DENND2B: variants seen among roughly 807,000 people sequenced by gnomAD.
The protein encoded by DENND2B is DENN domain containing 2B.
In DENND2B, 32 loss-of-function variants were observed where a neutral mutation model predicts 116.0. That is an observed-to-expected ratio of 0.28 (90% CI 0.21 to 0.37). The LOEUF is 0.37. Ranked by LOEUF, DENND2B falls within the 10% of genes least tolerant of loss-of-function variation. The pLI, the probability that DENND2B is intolerant of heterozygous loss-of-function variation, is 1.00. For synonymous variants in DENND2B, 588 were observed against 583.9 expected (o/e 1.01, Z -0.10); for missense variants, 1,276 against 1,477.7 (o/e 0.86, Z 2.24).
At chr11:8,848,885 G>A (rs1443229118) in intron 3 of DENND2B, among the ~76,000 whole-genome samples, 2 of 151,196 alleles carry the variant, frequency 1.3e-5, no homozygotes, top group Admixed American at 1.3e-4. Flanking sequence ...AAATAAAATG[G>A]CCTCAAGAAA....
intron 4 of DENND2B, among the ~76,000 whole-genome samples, chr11:8,838,446 C>T (rs1439758562): frequency 1.3e-5 from 2 of 152,236 alleles, no homozygotes; most frequent in Non-Finnish European, 2.9e-5. Flanking sequence ...ATAGGAGAAA[C>T]ATCTGCCCTA....
intron 2 of DENND2B, among the ~76,000 whole-genome samples, chr11:8,857,669 C>T (rs1238149865): frequency 6.6e-6 from 1 of 152,188 alleles, no homozygotes; most frequent in Non-Finnish European, 1.5e-5. Flanking sequence ...CCTGGTTACT[C>T]CCCAACCCCC....
intron 14 of DENND2B, among the ~76,000 whole-genome samples, chr11:8,701,674 G>C (rs2133719380): frequency 6.6e-6 from 1 of 152,048 alleles, no homozygotes; most frequent in Non-Finnish European, 1.5e-5. Flanking sequence ...CTTGTGCCTT[G>C]CCTGTGTCAC....
chr11:8,726,391 GC>G, intron 3 of DENND2B, 182 bp from the exon 4 acceptor site: 1 of 690,128 alleles, frequency 1.4e-6, no homozygotes, highest in Middle Eastern at 4.2e-4. Flanking sequence ...AAAGGCCCCA[GC>G]CTGGGTGCCT....
At chr11:8,830,813 T>C (rs552278035) in intron 4 of DENND2B, 1 of 152,366 alleles carries the variant, frequency 6.6e-6, no homozygotes, top group Admixed American at 6.5e-5. Context: ...CAGACAGCTC[T>C]ATTTAGCTCC....
chr11:8,695,621 G>A, intron 18 of DENND2B, 72 bp from the exon 19 acceptor site: 1 of 1,318,192 alleles, frequency 7.6e-7, no homozygotes, highest in South Asian at 1.2e-5. Context: ...TACATGAAGG[G>A]AACCATGGAG....
intron 2 of DENND2B, among the ~76,000 whole-genome samples, chr11:8,743,822 C>T (rs1195563905): frequency 6.6e-6 from 1 of 151,690 alleles, no homozygotes; most frequent in Non-Finnish European, 1.5e-5. Context: ...TCATGGCTCA[C>T]TGCAGCCTTG....
chr11:8,747,895 A>G (rs1431611286), intron 2 of DENND2B, among the ~76,000 whole-genome samples: 1 of 152,248 alleles, frequency 6.6e-6, no homozygotes, highest in Non-Finnish European at 1.5e-5. Context: ...ACTGGAATCC[A>G]GGGTCTTTAA....
chr11:8,903,752 G>A (rs939256978), intron 1 of DENND2B, among the ~76,000 whole-genome samples: 1 of 151,868 alleles, frequency 6.6e-6, no homozygotes, highest in African/African-American at 2.4e-5. Context: ...TGGGCCTAGT[G>A]GTGATGCATG....
chr11:8,712,434 T>C lies in DENND2B; in HGVS notation c.2172+117A>G, dbSNP rs931397088. ...CTGAGAGGAGGCAGGTTCAGGGCTG[T>C]GGCAGCTCGGTGAGGACGTATGACG... On this transcript the variant is annotated intron_variant, in intron 9 of 19. Coordinates refer to ENST00000313726, the MANE Select transcript of DENND2B (RefSeq NM_213618.2). This position sits in a 1 kb window ranked among gnomAD's most constrained non-coding sequence, Gnocchi z 4.4. 8.2e-7 allele frequency: 1 copy of C among 1,215,634 alleles called. No homozygotes were observed. The highest frequency in any genetic ancestry group is 1.1e-6 in the Non-Finnish European group (1 of 886,048). 75.3% of individuals were successfully genotyped at this position (1,215,634 alleles called of 1,614,324 possible).
rs375368483 is a variant in DENND2B, at chr11:8,730,929, C to A, written c.361G>T (p.Ala121Ser). 3.1e-6 allele frequency: 5 copies of A among 1,614,086 alleles called. No individual in the cohort carries two copies. The East Asian group carries it at 8.9e-5, about 29-fold the overall frequency. ...RDAQKESVQG[A>S]AQDVAGVAAC... is the part of the protein sequence containing the mutation. ...GCGACCCCTGCTACATCCTGGGCTG[C>A]GCCTTGGACACTTTCCTTTTGGGCG... Residue 121 changes from alanine (A) to serine (S), a missense_variant, in exon 3 of 20, where the codon GCA (alanine) becomes TCA (serine). Physicochemically the swap from Ala to Ser is moderately conservative, Grantham distance 99 (BLOSUM62 1). Transcript: ENST00000313726. The surrounding 1 kb of genome is among the most constrained non-coding windows in gnomAD (Gnocchi z 4.1).
At position 8,710,881 on chromosome 11, in the gene DENND2B, A is replaced by G. The variant is rs1275393110; in HGVS notation, c.2316T>C (p.Asp772=). The G allele has an allele frequency of 5.0e-6, 8 of 1,613,904 alleles. No individual in the cohort carries two copies. The highest frequency in any genetic ancestry group is 1.6e-4 in the Middle Eastern group (1 of 6,084). The change falls in exon 11 of 20, where the codon GAT becomes GAC. Residue 772 remains aspartate, a synonymous_variant. Coordinates refer to ENST00000313726, the MANE Select transcript of DENND2B (RefSeq NM_213618.2). ...TGCAGTAGCCAAAGCGTCTGCTGCC[A>G]TCTTCCCCAGTCAGCATGAAAGAAA... ...ETFSFMLTGE[D]GSRRFGYCRR... is the part of the protein sequence containing the mutation.
At chr11:8,882,538 G>A (rs1018010493) in intron 1 of DENND2B, among the ~76,000 whole-genome samples, 5 of 152,158 alleles carry the variant, frequency 3.3e-5, no homozygotes, top group Non-Finnish European at 5.9e-5. Context: ...TCAATAAATA[G>A]CTGTTGAATT....
At position 8,748,288 on chromosome 11, in the gene DENND2B, A is replaced by C. The variant is rs899834302; in HGVS notation, c.80+2333T>G. On this transcript the variant is annotated intron_variant, in intron 2 of 19. Transcript: ENST00000313726. ...ACCTATTGAAAGGTCAAACTAAGAAACTCAGGTGCCAAGATCATCAATCCA... is the reference window on the plus strand; with the variant it reads ...ACCTATTGAAAGGTCAAACTAAGAACCTCAGGTGCCAAGATCATCAATCCA... 2.6e-5 allele frequency among the ~76,000 whole-genome samples: 4 copies of C among 152,116 alleles called. No individual in the cohort carries two copies. The South Asian group carries it at 8.3e-4, about 31-fold the overall frequency.
intron 2 of DENND2B, among the ~76,000 whole-genome samples, chr11:8,739,560 ATC>A (rs1378090753): frequency 6.6e-6 from 1 of 152,270 alleles, no homozygotes; most frequent in African/African-American, 2.4e-5. Context: ...TGCTCTTATC[ATC>A]TCTCTGTTAT....
At chr11:8,837,436 C>T (rs1180995543) in intron 4 of DENND2B, among the ~76,000 whole-genome samples, 1 of 152,174 alleles carries the variant, frequency 6.6e-6, no homozygotes, top group Non-Finnish European at 1.5e-5. Flanking sequence ...CAACCTCCAC[C>T]TCCCAGGTTC....
intron 2 of DENND2B, among the ~76,000 whole-genome samples, chr11:8,741,983 T>C (rs2050298547): frequency 1.3e-5 from 2 of 152,220 alleles, no homozygotes; most frequent in South Asian, 4.1e-4. Context: ...CTGGAATTCT[T>C]GGGCTCAAGC....
intron 1 of DENND2B, chr11:8,766,571 C>A (rs2134150347): frequency 8.0e-7 from 1 of 1,253,358 alleles, no homozygotes; most frequent in African/African-American, 1.5e-5. Context: ...GAGAGGGCTT[C>A]CACTGACAGA....
intron 3 of DENND2B, among the ~76,000 whole-genome samples, chr11:8,846,362 T>C (rs563297731): frequency 1.3e-5 from 2 of 152,260 alleles, no homozygotes; most frequent in South Asian, 2.1e-4. Context: ...CTGCTGGCCC[T>C]AGAGGTCAGG....
Sources: gnomAD v4.1 joint callset for allele counts (sites outside exome capture counted in the v4.1 genomes callset) on GRCh38, gnomAD v4.1.1 for gene constraint, Gnocchi (gnomAD v3.1) non-coding constraint, MANE v1.5 for transcripts, NCBI Gene and HGNC (gene_info 2026-07-23, HGNC 2026-07-21) for gene names.